Variants in UBR2 observed in about 807,000 individuals in gnomAD.
UBR2 encodes E3 ubiquitin-protein ligase UBR2.
In UBR2, 92 loss-of-function variants were observed where a neutral mutation model predicts 247.9. The observed-to-expected ratio is 0.37, with a 90% CI of 0.31 to 0.44. The LOEUF (loss-of-function observed/expected upper bound fraction) is 0.44. Among genes scored for constraint, UBR2 ranks in the 20% least tolerant of loss-of-function variants. UBR2 has a pLI of 1.00. For missense variants in UBR2, 1,613 were observed against 2,112.6 expected, an observed-to-expected ratio of 0.76 and a Z score of 4.64; for synonymous variants, 672 against 693.5, an observed-to-expected ratio of 0.97 and a Z score of 0.49.
intron 9 of UBR2, among the ~76,000 whole-genome samples, chr6:42,615,734 G>A (rs1032351408): frequency 6.0e-5 from 9 of 151,154 alleles, no homozygotes; most frequent in Non-Finnish European, 7.4e-5. Flanking sequence ...GTTCAGCCTG[G>A]GCAACAAAGC....
intron 42 of UBR2, among the ~76,000 whole-genome samples, chr6:42,681,097 A>G (rs1172427231): frequency 6.7e-6 from 1 of 148,306 alleles, no homozygotes; most frequent in Non-Finnish European, 1.5e-5. Flanking sequence ...CGGGAGGCGG[A>G]GCTTGCAGTG....
intron 46 of UBR2, among the ~76,000 whole-genome samples, chr6:42,690,223 A>C (rs1425948216): frequency 6.6e-6 from 1 of 152,228 alleles, no homozygotes; most frequent in Non-Finnish European, 1.5e-5. Flanking sequence ...AGGAGGTATA[A>C]GTTTTAACCG....
chr6:42,581,003 A>ATT (rs58396471), intron 2 of UBR2, among the ~76,000 whole-genome samples: 14 of 62,636 alleles, frequency 2.2e-4, no homozygotes, highest in East Asian at 1.6e-3. Context: ...TGGTTCTAGA[A>ATT]TTTTTTTTTT....
chr6:42,640,383 G>GA lies in UBR2; in HGVS notation c.1920+113_1920+114insA. Reference sequence around the variant, plus strand: ...TTCTCCAGAGGAACAGAACCAGTAAGGTGTGTGTGTGTGTGTGTGTGTGTG... The same window carrying GA: ...TTCTCCAGAGGAACAGAACCAGTAAGAGTGTGTGTGTGTGTGTGTGTGTGTG... On this transcript the variant is annotated intron_variant, in intron 16 of 46. Coordinates refer to ENST00000372901, the MANE Select transcript of UBR2 (RefSeq NM_001363705.2). 2 of 171,016 alleles carry GA rather than the reference G, an allele frequency of 1.2e-5. 1 individual carries two copies. The highest frequency in any genetic ancestry group is 2.1e-5 in the Non-Finnish European group (2 of 97,394). The allele number at this position is 171,016 out of a possible 1,614,324, so 10.6% of individuals were successfully genotyped here.
At chr6:42,565,194 T>C (rs944633583) in intron 1 of UBR2, among the ~76,000 whole-genome samples, 2 of 152,198 alleles carry the variant, frequency 1.3e-5, no homozygotes, top group African/African-American at 4.8e-5. Flanking sequence ...AAACGCACTA[T>C]TGCATTAAAA....
In UBR2 at chr6:42,662,840, C is replaced by T. The variant is rs534483846; in HGVS notation, c.3537-418C>T. On this transcript the variant is annotated intron_variant, in intron 31 of 46. Transcript: ENST00000372901. ...GTCCCAGCTACTTGGGAGGCTGAGA[C>T]AGGAGAATTGCTTGAATGTGGGAGG... is the stretch of plus-strand genomic sequence containing the variant. Among the ~76,000 whole-genome samples, 68 of 152,090 alleles carry T rather than the reference C, an allele frequency of 4.5e-4. 1 individual carries two copies. The South Asian group carries it at 7.5e-3, about 17-fold the overall frequency.
intron 34 of UBR2, among the ~76,000 whole-genome samples, chr6:42,668,688 C>T (rs1798259859): frequency 6.6e-6 from 1 of 152,058 alleles, no homozygotes; most frequent in Non-Finnish European, 1.5e-5. Context: ...ATGATCCACC[C>T]ACCTCGGCCT....
In UBR2 at chr6:42,564,355, C is replaced by T. The variant is rs1212131276; in HGVS notation, c.36C>T (p.Ile12=). The T allele has an allele frequency of 6.2e-7, 1 of 1,612,178 alleles. No individual in the cohort carries two copies. The highest frequency in any genetic ancestry group is 1.1e-5 in the South Asian group (1 of 90,658). ...AGCTAGAGCCAGAGGTGCAGGCCATCGACCGGAGCTTGCTGGAATGTTCGG... is the reference window on the plus strand; with the variant it reads ...AGCTAGAGCCAGAGGTGCAGGCCATTGACCGGAGCTTGCTGGAATGTTCGG... ...ASELEPEVQA[I]DRSLLECSAE... Residue 12 remains isoleucine (I), a synonymous_variant, in exon 1 of 47, where the codon ATC becomes ATT. Transcript: ENST00000372901.
At chr6:42,665,568 T>C in intron 33 of UBR2, 56 bp downstream of exon 33, 1 of 1,324,122 alleles carries the variant, frequency 7.6e-7, no homozygotes, top group Non-Finnish European at 1.1e-6. Flanking sequence ...CATCAGAAAA[T>C]GTATTTCCAG....
In UBR2 at chr6:42,692,075, G is replaced by A. The variant is rs1403515600; in HGVS notation, c.*902G>A. On this transcript the variant is annotated 3_prime_UTR_variant, in exon 47 of 47. Transcript: ENST00000372901. Reference sequence around the variant, plus strand: ...CACATCCAGTTTCTTGAGCTTTTAAGGTAAGCTTCTTTTGGCTTTTTTTCA... The same window carrying A: ...CACATCCAGTTTCTTGAGCTTTTAAAGTAAGCTTCTTTTGGCTTTTTTTCA... The A allele has an allele frequency of 6.6e-6, 1 of 151,924 alleles. No homozygotes were observed. Among genetic ancestry groups the A allele is most frequent in the Non-Finnish European group, 1.5e-5 (1 of 67,988 alleles). 9.4% of individuals were successfully genotyped at this position (151,924 alleles called of 1,614,324 possible).
chr6:42,686,457 G>A (rs1191496559), intron 44 of UBR2, among the ~76,000 whole-genome samples: 2 of 151,732 alleles, frequency 1.3e-5, no homozygotes, highest in African/African-American at 4.8e-5. Context: ...AGAACAAAAT[G>A]GAGTCTCCTA....
At chr6:42,606,054 C>T (rs970191725) in intron 6 of UBR2, among the ~76,000 whole-genome samples, 195 bp downstream of exon 6, 5 of 152,064 alleles carry the variant, frequency 3.3e-5, no homozygotes, top group Non-Finnish European at 5.9e-5. Flanking sequence ...ACCAGCCTGA[C>T]TAACATGGTG....
At chr6:42,640,449 T>C (rs4521584) in intron 16 of UBR2, among the ~76,000 whole-genome samples, 179 bp downstream of exon 16, 37,101 of 148,032 alleles carry the variant, frequency 0.25, 5,031 homozygotes, top group East Asian at 0.46. Context: ...GATACATATA[T>C]AGAGAGAGAG....
At chr6:42,648,349 C>T (rs1415808342) in intron 22 of UBR2, among the ~76,000 whole-genome samples, 179 bp downstream of exon 22, 1 of 152,198 alleles carries the variant, frequency 6.6e-6, no homozygotes, top group Non-Finnish European at 1.5e-5. Flanking sequence ...TCTGATCTCA[C>T]CCTGTACTCA....
At position 42,666,180 on chromosome 6, in the gene UBR2, A is replaced by C; in HGVS notation, c.3816A>C (p.Thr1272=). 1 of 1,612,510 alleles carries C rather than the reference A, an allele frequency of 6.2e-7. No homozygotes were observed. The highest frequency in any genetic ancestry group is 1.7e-5 in the Admixed American group (1 of 59,858). The change falls in exon 34 of 47, where the codon ACA becomes ACC. Residue 1272 remains threonine, a synonymous_variant. Transcript: ENST00000372901. ...CTGTTTCTATAGATAATGCCTCTAC[A>C]AAGAATTCAGAAAATGTGGATGAAT... is the stretch of plus-strand genomic sequence containing the variant. The part of the protein sequence containing the change: ...KEESTPNNAS[T]KNSENVDELQ...
rs1797533277 is a variant in UBR2 at position 42,657,946 on chromosome 6, A to G, written c.2873-78A>G. The G allele has an allele frequency of 2.8e-6, 3 of 1,087,542 alleles. No homozygotes were observed. In the South Asian group the frequency reaches 4.3e-5, roughly 16 times the overall value. The allele number at this position is 1,087,542 out of a possible 1,614,324, so 67.4% of individuals were successfully genotyped here. On this transcript the variant is annotated intron_variant, in intron 26 of 46. Coordinates refer to ENST00000372901, the MANE Select transcript of UBR2 (RefSeq NM_001363705.2). ...GGCAATAGGTGTTATAAGCAACTGC[A>G]TTTATGTTCCTGTGCGTAGGAATAA...
chr6:42,624,788 A>G (rs185457548), intron 11 of UBR2, among the ~76,000 whole-genome samples: 58 of 152,302 alleles, frequency 3.8e-4, no homozygotes, highest in East Asian at 2.1e-3. Context: ...AGGCATCTCA[A>G]AAAGGCCACT....
intron 4 of UBR2, among the ~76,000 whole-genome samples, chr6:42,602,717 ATATTT>A (rs2151926822): frequency 6.8e-6 from 1 of 147,946 alleles, no homozygotes; most frequent in African/African-American, 2.5e-5. Flanking sequence ...TATTAAATAC[ATATTT>A]TATATTTTGC....
chr6:42,624,175 C>G (rs1285332037), intron 11 of UBR2, among the ~76,000 whole-genome samples: 1 of 152,050 alleles, frequency 6.6e-6, no homozygotes, highest in Non-Finnish European at 1.5e-5. Flanking sequence ...AATTCTCACT[C>G]TAGCACCCAG....
Sources: gnomAD v4.1 joint callset for allele counts (sites outside exome capture counted in the v4.1 genomes callset) on GRCh38, gnomAD v4.1.1 for gene constraint, MANE v1.5 for transcripts, NCBI Gene and HGNC (gene_info 2026-07-23, HGNC 2026-07-21) for gene names.